The following ANKEF1 variants were observed in gnomAD, a reference collection of about 807,000 sequenced individuals.
ANKEF1 encodes ankyrin repeat and EF-hand domain containing 1, also known as ankyrin repeat and EF-hand domain-containing protein 1.
In ANKEF1, 43 loss-of-function variants were observed where a neutral mutation model predicts 65.1. The ratio of observed to expected loss-of-function variants is 0.66; its 90% CI spans 0.52 to 0.85. The LOEUF is 0.85. Ranked by LOEUF, ANKEF1 falls within the 40% of genes least tolerant of loss-of-function variation. ANKEF1 has a pLI of 0.00. For missense variants in ANKEF1, 934 were observed against 952.9 expected, an observed-to-expected ratio of 0.98 and a Z score of 0.26; for synonymous variants, 316 against 341.5, an observed-to-expected ratio of 0.93 and a Z score of 0.82.
intron 5 of ANKEF1, 126 bp downstream of exon 5, chr20:10,044,669 C>A (rs1984406076): frequency 1.3e-6 from 1 of 765,740 alleles, no homozygotes; most frequent in Non-Finnish European, 1.9e-6. Context: ...ATGTTGTTTT[C>A]ATCTTGATTT....
rs1460175076 is a variant in ANKEF1 at position 10,035,320 on chromosome 20, C to T, written c.-122C>T. On this transcript the variant is annotated 5_prime_UTR_variant, in exon 1 of 11. Transcript: ENST00000378392. ...CAGAGATCCCTGGCTTCTGATCGCC[C>T]GGAAGACTAAGAGGTGAGCATGACA... The T allele has an allele frequency of 2.6e-5, 4 of 152,402 alleles. No individual in the cohort carries two copies. Among genetic ancestry groups the T allele is most frequent in the African/African-American group, 7.2e-5 (3 of 41,480 alleles). The allele number at this position is 152,402 out of a possible 1,614,324, so 9.4% of individuals were successfully genotyped here.
At position 10,039,756 on chromosome 20, in the gene ANKEF1, C is replaced by T. The variant is rs181143769; in HGVS notation, c.346+1109C>T. 1.3e-3 allele frequency among the ~76,000 whole-genome samples: 200 copies of T among 152,192 alleles called. 1 individual carries two copies. Among genetic ancestry groups the T allele is most frequent in the African/African-American group, 4.5e-3 (187 of 41,518 alleles). On this transcript the variant is annotated intron_variant, in intron 3 of 10. Coordinates refer to ENST00000378392, the MANE Select transcript of ANKEF1 (RefSeq NM_022096.6). ...CTACAGGCAAAATTGGTTCCACGGT[C>T]GCATTCATTAGAGACACATTTTAGG...
intron 9 of ANKEF1, among the ~76,000 whole-genome samples, chr20:10,054,077 A>C (rs1985013614): frequency 6.6e-6 from 1 of 152,162 alleles, no homozygotes; most frequent in African/African-American, 2.4e-5. Context: ...GGGGAAATGT[A>C]GGTGGTAGGG....
chr20:10,042,027 C>G (rs1034788331), intron 3 of ANKEF1, among the ~76,000 whole-genome samples: 2 of 152,168 alleles, frequency 1.3e-5, no homozygotes, highest in African/African-American at 4.8e-5. Flanking sequence ...TTGAGGGCAG[C>G]TGGACTTTTC....
Position 10,055,539 on chromosome 20 carries a change from G to A in ANKEF1, c.2210G>A (p.Arg737Lys). ...GAAGCCACAACAGCAGAGCTGATCA[G>A]GAAGAGGGAACTACGGCGAGAGAGG... is the stretch of plus-strand genomic sequence containing the variant. ...SPEATTAELI[R>K]KRELRRERFT... Residue 737 changes from arginine (R) to lysine (K), a missense_variant, in exon 11 of 11, where the codon AGG (arginine) becomes AAG (lysine). Arg to Lys is a conservative substitution (Grantham distance 26). Transcript: ENST00000378392. 1 of 1,613,772 alleles carries A rather than the reference G, an allele frequency of 6.2e-7. No homozygotes were observed. The highest frequency in any genetic ancestry group is 8.5e-7 in the Non-Finnish European group (1 of 1,179,812).
chr20:10,043,954 A>T (rs1403971102), intron 4 of ANKEF1, among the ~76,000 whole-genome samples: 2 of 151,904 alleles, frequency 1.3e-5, no homozygotes, highest in Non-Finnish European at 2.9e-5. Flanking sequence ...TGCCCAGCCT[A>T]GTTCTGTTGT....
At chr20:10,050,737 C>T (rs1000438460) in intron 7 of ANKEF1, among the ~76,000 whole-genome samples, 3 of 152,166 alleles carry the variant, frequency 2.0e-5, no homozygotes, top group African/African-American at 7.2e-5. Context: ...TCAGTGGCAG[C>T]ACGGCTCAGT....
At chr20:10,048,503 T>G (rs1401868329) in intron 6 of ANKEF1, among the ~76,000 whole-genome samples, 1 of 152,182 alleles carries the variant, frequency 6.6e-6, no homozygotes, top group East Asian at 1.9e-4. Context: ...GTAGGTGTTA[T>G]TCATTCTTTC....
intron 6 of ANKEF1, among the ~76,000 whole-genome samples, chr20:10,046,146 C>T (rs687514): frequency 0.25 from 38,057 of 151,914 alleles, 4,957 homozygotes; most frequent in Middle Eastern, 0.28. Context: ...GTGGTGACGG[C>T]GCCTGTAATC....
chr20:10,038,463 A>G lies in ANKEF1; in HGVS notation c.162A>G (p.Leu54=). ...EPINGLSALH[L]ASVSNDIDMV... is the part of the protein sequence containing the mutation. Reference sequence around the variant, plus strand: ...TTAATGGACTTAGTGCTTTGCACTTAGCCTCAGTTTCCAATGATATTGATA... The same window carrying G: ...TTAATGGACTTAGTGCTTTGCACTTGGCCTCAGTTTCCAATGATATTGATA... The change falls in exon 3 of 11, where the codon TTA becomes TTG. Residue 54 remains leucine, a synonymous_variant. Transcript: ENST00000378392. 3.1e-6 allele frequency: 5 copies of G among 1,614,244 alleles called. No homozygotes were observed. Among genetic ancestry groups the G allele is most frequent in the Non-Finnish European group, 4.2e-6 (5 of 1,180,048 alleles).
chr20:10,043,652 C>CTTTTT (rs374135080), intron 4 of ANKEF1, among the ~76,000 whole-genome samples: 27 of 81,374 alleles, frequency 3.3e-4, no homozygotes, highest in South Asian at 1.0e-3. Context: ...TTTTCTTTTC[C>CTTTTT]TTTTTTTTTT....
At chr20:10,047,582 C>A (rs1021741456) in intron 6 of ANKEF1, among the ~76,000 whole-genome samples, 1 of 152,124 alleles carries the variant, frequency 6.6e-6, no homozygotes, top group Non-Finnish European at 1.5e-5. Flanking sequence ...CCCCCTCGTC[C>A]CCCTGCTGGA....
At chr20:10,044,300 A>G (rs1466002031) in intron 4 of ANKEF1, 94 bp from the exon 5 acceptor site, 4 of 1,378,184 alleles carry the variant, frequency 2.9e-6, no homozygotes, top group Non-Finnish European at 3.9e-6. Flanking sequence ...GTGTAAAGCT[A>G]AGGTCAAATG....
At chr20:10,036,243 A>G (rs552481977) in intron 2 of ANKEF1, among the ~76,000 whole-genome samples, 121 of 152,346 alleles carry the variant, frequency 7.9e-4, no homozygotes, top group Non-Finnish European at 1.0e-3. Flanking sequence ...TCCGTTAGAG[A>G]TGGGTGCTAA....
chr20:10,040,959 C>CT (rs201655468), intron 3 of ANKEF1, among the ~76,000 whole-genome samples: 140 of 142,130 alleles, frequency 9.9e-4, no homozygotes, highest in East Asian at 4.1e-3. Context: ...ACAATCTTTT[C>CT]TTTTTTTTTT....
chr20:10,049,391 A>T lies in ANKEF1; in HGVS notation c.822A>T (p.Gly274=). 1 of 1,607,970 alleles carries T rather than the reference A, an allele frequency of 6.2e-7. No individual in the cohort carries two copies. The change falls in exon 7 of 11, where the codon GGA becomes GGT. Residue 274 remains glycine (G), a splice_region_variant and synonymous_variant. Coordinates refer to ENST00000378392, the MANE Select transcript of ANKEF1 (RefSeq NM_022096.6). ...AATTAATGATGCTTTATGTTTTAGG[A>T]TGTGACCTGAAATGGAAGAATTTAG... ...ADCCKYIAQR[G]CDLKWKNLDH...
chr20:10,049,543 G>C lies in ANKEF1; in HGVS notation c.974G>C (p.Trp325Ser). 1.2e-6 allele frequency: 2 copies of C among 1,614,116 alleles called. No individual in the cohort carries two copies. Among genetic ancestry groups the C allele is most frequent in the Admixed American group, 1.7e-5 (1 of 60,010 alleles). The change falls in exon 7 of 11, where the codon TGG (tryptophan) becomes TCG (serine). Residue 325 changes from tryptophan (W) to serine (S), a missense_variant. Transcript: ENST00000378392. ...GGAGCCAAAAATCCAAATCCACTGT[G>C]GGCCCTTAGACTGCACGATTGGTCC... ...RPGAKNPNPL[W>S]ALRLHDWSVE...
chr20:10,052,887 G>T (rs1984945640), intron 8 of ANKEF1, among the ~76,000 whole-genome samples: 1 of 151,958 alleles, frequency 6.6e-6, no homozygotes, highest in Non-Finnish European at 1.5e-5. Flanking sequence ...CTAAGGAAAA[G>T]TAATTTTCTG....
chr20:10,051,933 C>T (rs537964079), intron 8 of ANKEF1, 44 bp downstream of exon 8: 3 of 1,433,036 alleles, frequency 2.1e-6, no homozygotes, highest in Non-Finnish European at 1.9e-6. Context: ...AAAAGGAGAA[C>T]TTATGTTAGA....
Sources: gnomAD v4.1 joint callset for allele counts (sites outside exome capture counted in the v4.1 genomes callset) on GRCh38, gnomAD v4.1.1 for gene constraint, MANE v1.5 for transcripts, NCBI Gene and HGNC (gene_info 2026-07-23, HGNC 2026-07-21) for gene names.